The following FHIT variants were observed in gnomAD, a reference collection of about 807,000 sequenced individuals.
FHIT encodes the protein bis(5'-adenosyl)-triphosphatase.
A neutral mutation model predicts 17.9 loss-of-function variants in FHIT; 19 were observed. The observed-to-expected ratio is 1.06, with a 90% CI of 0.74 to 1.56. The LOEUF is 1.56. Ranked by LOEUF, FHIT falls within the 40% of genes most tolerant of loss-of-function variation. FHIT has a pLI of 0.00. For synonymous variants in FHIT, 81 were observed against 69.7 expected, an observed-to-expected ratio of 1.16 and a Z score of -0.81; for missense variants, 248 against 189.2, an observed-to-expected ratio of 1.31 and a Z score of -1.82.
chr3:61,052,628 A>T (rs1428347369), intron 2 of FHIT, among the ~76,000 whole-genome samples: 1 of 152,194 alleles, frequency 6.6e-6, no homozygotes, highest in East Asian at 1.9e-4. Context: ...GAGTCAACAG[A>T]CAAATTTATG....
chr3:60,173,883 TAATATATATATA>T (rs1559698420), intron 5 of FHIT, among the ~76,000 whole-genome samples: 1 of 30,278 alleles, frequency 3.3e-5, no homozygotes, highest in East Asian at 1.3e-3. Flanking sequence ...TCCATGTTTC[TAATATATATATA>T]TATATATATA....
At chr3:60,320,286 T>C (rs1709361526) in intron 5 of FHIT, among the ~76,000 whole-genome samples, 1 of 152,054 alleles carries the variant, frequency 6.6e-6, no homozygotes, top group Admixed American at 6.6e-5. Context: ...CTGGGGCAGA[T>C]GGGGGTGGCG....
intron 5 of FHIT, among the ~76,000 whole-genome samples, chr3:60,129,042 C>CTTTTTTTTTTTTTTT (rs1360333142): frequency 5.3e-5 from 6 of 113,012 alleles, no homozygotes; most frequent in African/African-American, 1.7e-4. Flanking sequence ...TTCTTCTTTC[C>CTTTTTTTTTTTTTTT]TTTTTTGTTT....
chr3:60,006,664 A>C lies in FHIT; in HGVS notation c.279+4707T>G, dbSNP rs371389815. ...TAGGGTTTCCGCATTCAAAAAAAAA[A>C]AACAAGGAAATTGATGTTCAGAGAG... On this transcript the variant is annotated intron_variant, in intron 7 of 9. Coordinates refer to ENST00000492590, the MANE Select transcript of FHIT (RefSeq NM_002012.4). Among the ~76,000 whole-genome samples, 67 of 152,230 alleles carry C rather than the reference A, an allele frequency of 4.4e-4. No individual in the cohort carries two copies. The Middle Eastern group carries it at 0.014, about 31-fold the overall frequency.
intron 5 of FHIT, among the ~76,000 whole-genome samples, chr3:60,072,579 G>C (rs760496791): frequency 1.1e-4 from 16 of 152,156 alleles, no homozygotes; most frequent in Admixed American, 2.6e-4. Context: ...AAGTCTTCAA[G>C]GTAGCCACCG....
chr3:60,443,346 G>C (rs986401281), intron 5 of FHIT, among the ~76,000 whole-genome samples: 255 of 152,106 alleles, frequency 1.7e-3, no homozygotes, highest in Non-Finnish European at 2.8e-3. Flanking sequence ...TCTCTGTCTT[G>C]TGCCAGTTTT....
rs868241710 is a variant in FHIT at position 61,082,684 on chromosome 3, A to G, written c.-163-40585T>C. On this transcript the variant is annotated intron_variant, in intron 2 of 9. Transcript: ENST00000492590. ...TGTATGATAGTTCCAGTTGCTTCATACCCTTGCCAACACTTAGTATTATCA... is the reference window on the plus strand; with the variant it reads ...TGTATGATAGTTCCAGTTGCTTCATGCCCTTGCCAACACTTAGTATTATCA... Among the ~76,000 whole-genome samples, 12 of 152,284 alleles carry G rather than the reference A, an allele frequency of 7.9e-5. No homozygotes were observed. In the South Asian group the frequency reaches 2.5e-3, roughly 32 times the overall value.
At chr3:60,930,851 C>T (rs1352089397) in intron 3 of FHIT, among the ~76,000 whole-genome samples, 1 of 152,144 alleles carries the variant, frequency 6.6e-6, no homozygotes, top group East Asian at 1.9e-4. Flanking sequence ...TTGACCCAGC[C>T]ATCCCATTAC....
chr3:61,249,352 C>A (rs566366888), intron 1 of FHIT, among the ~76,000 whole-genome samples: 1 of 152,284 alleles, frequency 6.6e-6, no homozygotes, highest in African/African-American at 2.4e-5. Flanking sequence ...TATATGGAAT[C>A]TTTATTATAG....
intron 4 of FHIT, among the ~76,000 whole-genome samples, chr3:60,706,327 C>A (rs1014976488): frequency 6.6e-6 from 1 of 152,090 alleles, no homozygotes; most frequent in African/African-American, 2.4e-5. Flanking sequence ...ATGGGTGCAG[C>A]AAACCACCAT....
chr3:60,507,632 G>C (rs571082615), intron 5 of FHIT, among the ~76,000 whole-genome samples: 2 of 152,252 alleles, frequency 1.3e-5, no homozygotes, highest in Admixed American at 6.5e-5. Context: ...ATTAAGTCTA[G>C]TACCCGTTAG....
chr3:59,910,018 A>G (rs577541433), intron 8 of FHIT, among the ~76,000 whole-genome samples: 2 of 152,148 alleles, frequency 1.3e-5, no homozygotes, highest in South Asian at 2.1e-4. Context: ...TTATATCCCA[A>G]TGTATTTTTT....
chr3:60,248,448 G>T (rs938600640), intron 5 of FHIT, among the ~76,000 whole-genome samples: 2 of 152,076 alleles, frequency 1.3e-5, no homozygotes, highest in African/African-American at 4.8e-5. Flanking sequence ...ACAGCGTGTT[G>T]GAAAATGGAA....
chr3:60,493,955 C>T (rs1438455932), intron 5 of FHIT, among the ~76,000 whole-genome samples: 1 of 152,000 alleles, frequency 6.6e-6, no homozygotes, highest in Non-Finnish European at 1.5e-5. Flanking sequence ...TTGAGACATG[C>T]TTTGTAGTTT....
chr3:61,043,207 G>C (rs2033610671), intron 2 of FHIT, among the ~76,000 whole-genome samples: 1 of 152,204 alleles, frequency 6.6e-6, no homozygotes, highest in African/African-American at 2.4e-5. Context: ...TCCTAGCCAA[G>C]GGAAGCTGTG....
intron 5 of FHIT, among the ~76,000 whole-genome samples, chr3:60,185,695 A>C (rs1050938322): frequency 5.9e-5 from 9 of 152,186 alleles, no homozygotes; most frequent in African/African-American, 1.9e-4. Flanking sequence ...GAAACTGCAA[A>C]ACTGTCTTTC....
At chr3:59,899,359 T>C (rs1047652366) in intron 8 of FHIT, among the ~76,000 whole-genome samples, 28 of 152,202 alleles carry the variant, frequency 1.8e-4, no homozygotes. Context: ...TGGAAAGGAC[T>C]GAACTCTCTT....
intron 2 of FHIT, among the ~76,000 whole-genome samples, chr3:61,089,491 AC>A (rs2035410774): frequency 6.6e-6 from 1 of 152,116 alleles, no homozygotes; most frequent in South Asian, 2.1e-4. Flanking sequence ...CTAATAGGTG[AC>A]CTTTTTTGTA....
intron 5 of FHIT, among the ~76,000 whole-genome samples, chr3:60,310,429 G>T (rs899985826): frequency 6.6e-6 from 1 of 152,144 alleles, no homozygotes; most frequent in Non-Finnish European, 1.5e-5. Context: ...AAGGCCAAGT[G>T]AGAAAGACCA....
Sources: allele counts gnomAD v4.1 joint callset (sites outside exome capture counted in the v4.1 genomes callset), GRCh38; gene constraint gnomAD v4.1.1; transcripts MANE v1.5; gene names NCBI Gene and HGNC (gene_info 2026-07-23, HGNC 2026-07-21).